STPG4: variants seen among roughly 807,000 people sequenced by gnomAD.
STPG4 encodes sperm-tail PG-rich repeat containing 4, also known as protein STPG4.
In STPG4, 41 loss-of-function variants were observed where a neutral mutation model predicts 31.5. That is an observed-to-expected ratio of 1.30 (90% CI 1.01 to 1.69). The LOEUF (loss-of-function observed/expected upper bound fraction) is 1.69, where lower values mean the gene tolerates loss of function less well. STPG4 is among the 40% of genes most tolerant of loss of function. The pLI is 0.00. For synonymous variants in STPG4, 141 were observed against 103.0 expected (o/e 1.37, Z -2.24); for missense variants, 375 against 293.4 (o/e 1.28, Z -2.03).
In STPG4 at chr2:47,153,726, T is replaced by C. The variant is rs1041913876; in HGVS notation, c.82-710A>G. ...AGGCAGAGGTTGCAGTGGGCCGAGA[T>C]CACATCACTGCAACTCCAGCCTGGG... is the stretch of plus-strand genomic sequence containing the variant. On this transcript the variant is annotated intron_variant, in intron 1 of 6. Coordinates refer to ENST00000445927, the MANE Select transcript of STPG4 (RefSeq NM_001163561.2). 6.5e-4 allele frequency among the ~76,000 whole-genome samples: 99 copies of C among 151,872 alleles called. 1 individual carries two copies. Among genetic ancestry groups the C allele is most frequent in the Admixed American group, 6.2e-3 (95 of 15,238 alleles).
intron 5 of STPG4, among the ~76,000 whole-genome samples, chr2:47,123,329 G>C (rs1686310443): frequency 6.6e-6 from 1 of 152,086 alleles, no homozygotes; most frequent in Non-Finnish European, 1.5e-5. Flanking sequence ...TTAATACCAT[G>C]ATCTATTGAA....
intron 5 of STPG4, among the ~76,000 whole-genome samples, chr2:47,127,252 C>CCTT (rs1686383131): frequency 1.7e-5 from 1 of 57,458 alleles, no homozygotes; most frequent in African/African-American, 1.0e-4. Context: ...CAAGCTAATT[C>CCTT]TTTTTTTTTT....
intron 6 of STPG4, among the ~76,000 whole-genome samples, chr2:47,089,904 CCA>C (rs1194662953): frequency 6.6e-6 from 1 of 152,150 alleles, no homozygotes; most frequent in East Asian, 1.9e-4. Flanking sequence ...CTCCCAGAAG[CCA>C]CACACACAGA....
intron 5 of STPG4, among the ~76,000 whole-genome samples, chr2:47,114,384 A>G (rs1282104146): frequency 6.6e-6 from 1 of 151,872 alleles, no homozygotes; most frequent in African/African-American, 2.4e-5. Context: ...GCAGGCGCCT[A>G]TAATCTCAGC....
intron 5 of STPG4, among the ~76,000 whole-genome samples, chr2:47,112,719 AG>A (rs1686066861): frequency 6.6e-6 from 1 of 152,200 alleles, no homozygotes; most frequent in African/African-American, 2.4e-5. Flanking sequence ...CTAAGTCAAC[AG>A]GGCTCAAATG....
At chr2:47,115,941 A>C (rs1449807645) in intron 5 of STPG4, among the ~76,000 whole-genome samples, 1 of 152,216 alleles carries the variant, frequency 6.6e-6, no homozygotes, top group African/African-American at 2.4e-5. Flanking sequence ...GGCGTGAGCC[A>C]CCAGGCCCGA....
intron 5 of STPG4, among the ~76,000 whole-genome samples, chr2:47,110,015 A>AACGGGAGG (rs1558676022): frequency 2.0e-5 from 3 of 151,792 alleles, no homozygotes; most frequent in Admixed American, 6.6e-5. Context: ...TTTAAGAAAT[A>AACGGGAGG]CAGAAACGAA....
In STPG4 at chr2:47,100,931, C is replaced by T. The variant is rs896775896; in HGVS notation, c.520-10557G>A. 2.1e-4 allele frequency among the ~76,000 whole-genome samples: 32 copies of T among 151,978 alleles called. 1 individual carries two copies. Among genetic ancestry groups the T allele is most frequent in the African/African-American group, 7.7e-4 (32 of 41,298 alleles). On this transcript the variant is annotated intron_variant, in intron 5 of 6. Coordinates refer to ENST00000445927, the MANE Select transcript of STPG4 (RefSeq NM_001163561.2). ...TAACACTCACCACGAGGGTCCGCGG[C>T]TTCATTCTTGAACTCAGTGAGACCA...
intron 5 of STPG4, among the ~76,000 whole-genome samples, chr2:47,122,105 G>A (rs1386528276): frequency 2.6e-5 from 4 of 152,124 alleles, no homozygotes; most frequent in Non-Finnish European, 5.9e-5. Context: ...TTAAATGTTA[G>A]TGAGATCAAA....
In STPG4 at chr2:47,107,090, G is replaced by C. The variant is rs574693768; in HGVS notation, c.520-16716C>G. ...CAGCAGTTGGGGTGTCCTGTTTAGA[G>C]GGGGGATTGAGAGGTGACAGCGTGC... On this transcript the variant is annotated intron_variant, in intron 5 of 6. Transcript: ENST00000445927. 2.4e-4 allele frequency among the ~76,000 whole-genome samples: 37 copies of C among 152,088 alleles called. No homozygotes were observed. The South Asian group carries it at 7.7e-3, about 32-fold the overall frequency.
intron 5 of STPG4, among the ~76,000 whole-genome samples, chr2:47,104,782 T>G (rs1685870058): frequency 6.6e-6 from 1 of 151,952 alleles, no homozygotes; most frequent in South Asian, 2.1e-4. Flanking sequence ...TCTCTTGAAC[T>G]TTCTAGCTAA....
At chr2:47,116,576 G>C (rs1251160206) in intron 5 of STPG4, among the ~76,000 whole-genome samples, 1 of 152,152 alleles carries the variant, frequency 6.6e-6, no homozygotes, top group Non-Finnish European at 1.5e-5. Flanking sequence ...TGCACTGAAA[G>C]AACAGTTAAT....
chr2:47,113,540 G>A (rs78709232), intron 5 of STPG4, among the ~76,000 whole-genome samples: 3,980 of 152,074 alleles, frequency 0.026, 181 homozygotes, highest in African/African-American at 0.091. Flanking sequence ...TAAAACAACA[G>A]TCATATTAAA....
chr2:47,099,218 C>A (rs1162110989), intron 5 of STPG4, among the ~76,000 whole-genome samples: 9 of 134,264 alleles, frequency 6.7e-5, no homozygotes, highest in African/African-American at 2.2e-4. Context: ...TTCACTGCCT[C>A]ATCCTCTGTT....
chr2:47,152,949 G>A lies in STPG4; in HGVS notation c.141+8C>T, dbSNP rs768608020. The A allele has an allele frequency of 3.8e-6, 6 of 1,593,944 alleles. No homozygotes were observed. The Admixed American group carries it at 6.8e-5, about 18-fold the overall frequency. On this transcript the variant is annotated splice_region_variant and intron_variant, in intron 2 of 6. Transcript: ENST00000445927. Reference sequence around the variant, plus strand: ...ATGTGAATAGGAAAGACTGAACAATGTACATACTGTTAATGCTATTCTCCA... The same window carrying A: ...ATGTGAATAGGAAAGACTGAACAATATACATACTGTTAATGCTATTCTCCA...
chr2:47,132,178 A>T (rs1388103945), intron 3 of STPG4, among the ~76,000 whole-genome samples: 1 of 151,922 alleles, frequency 6.6e-6, no homozygotes, highest in Non-Finnish European at 1.5e-5. Flanking sequence ...AAAAAAAAAA[A>T]ATAGGAAGAT....
At chr2:47,095,621 A>G (rs1685655007) in intron 5 of STPG4, among the ~76,000 whole-genome samples, 2 of 152,312 alleles carry the variant, frequency 1.3e-5, no homozygotes, top group African/African-American at 4.8e-5. Context: ...TCATGTCTTT[A>G]TTCAGCCAAT....
At chr2:47,087,382 A>T (rs1685478469) in intron 6 of STPG4, among the ~76,000 whole-genome samples, 1 of 152,248 alleles carries the variant, frequency 6.6e-6, no homozygotes, top group Non-Finnish European at 1.5e-5. Flanking sequence ...GGGGCCACCT[A>T]GAACCTGCTG....
At chr2:47,131,666 T>A (rs1246492425) in intron 3 of STPG4, among the ~76,000 whole-genome samples, 1 of 152,120 alleles carries the variant, frequency 6.6e-6, no homozygotes, top group African/African-American at 2.4e-5. Context: ...CTGGGTGACC[T>A]CAAGATGACA....
Sources: gnomAD v4.1 joint callset for allele counts (sites outside exome capture counted in the v4.1 genomes callset) on GRCh38, gnomAD v4.1.1 for gene constraint, MANE v1.5 for transcripts, NCBI Gene and HGNC (gene_info 2026-07-23, HGNC 2026-07-21) for gene names.